MYH13: variants seen among roughly 807,000 people sequenced by gnomAD.
MYH13 encodes the protein myosin heavy chain 13.
In MYH13, 177 loss-of-function variants were observed where a neutral mutation model predicts 232.1. That is an observed-to-expected ratio of 0.76 (90% CI 0.67 to 0.86). MYH13 has a LOEUF of 0.86. Ranked by LOEUF, MYH13 falls within the 40% of genes least tolerant of loss-of-function variation. MYH13 has a pLI of 0.00. For missense variants in MYH13, 2,246 were observed against 2,405.9 expected, an observed-to-expected ratio of 0.93 and a Z score of 1.39; for synonymous variants, 884 against 923.5, an observed-to-expected ratio of 0.96 and a Z score of 0.78.
intron 24 of MYH13, 80 bp from the exon 25 acceptor site, chr17:10,320,576 G>T: frequency 6.7e-7 from 1 of 1,482,184 alleles, no homozygotes; most frequent in Non-Finnish European, 9.0e-7. Flanking sequence ...CCATACACGT[G>T]GCCTGGGGCT....
At chr17:10,311,790 T>C in intron 32 of MYH13, 121 bp downstream of exon 32, 1 of 1,155,078 alleles carries the variant, frequency 8.7e-7, no homozygotes, top group Admixed American at 2.1e-5. Context: ...TGAGGCATGA[T>C]GGGTGAGGAT....
chr17:10,306,998 C>T lies in MYH13; in HGVS notation c.5236G>A (p.Glu1746Lys), dbSNP rs369023941. 9.3e-6 allele frequency: 15 copies of T among 1,613,902 alleles called. No homozygotes were observed. The African/African-American group carries it at 9.3e-5, about 10-fold the overall frequency. ...TTCCTGGACTCCTGGATCGAGTTCT[C>T]CACCTCTGCCTGGCACTGAGCTATG... ...ADIAQCQAEV[E>K]NSIQESRNAE... Residue 1746 changes from glutamate (E) to lysine (K), a missense_variant, in exon 36 of 41, where the codon GAG (glutamate) becomes AAG (lysine). Transcript: ENST00000252172. The surrounding 1 kb of genome is among the most constrained non-coding windows in gnomAD (Gnocchi z 4.3).
rs772451244 is a variant in MYH13 at position 10,304,702 on chromosome 17, A to T, written c.5467-1204T>A. Among the ~76,000 whole-genome samples the T allele has an allele frequency of 2.6e-5, 4 of 152,242 alleles. No individual in the cohort carries two copies. The highest frequency in any genetic ancestry group is 5.9e-5 in the Non-Finnish European group (4 of 68,038). ...TTTCTGTATATTTAGGATGGAGATA[A>T]TATTTCCTGCCCAGCCTACCTCAAA... On this transcript the variant is annotated intron_variant, in intron 37 of 40. Coordinates refer to ENST00000252172, the MANE Select transcript of MYH13 (RefSeq NM_003802.3). This position sits in a 1 kb window ranked among gnomAD's most constrained non-coding sequence, Gnocchi z 5.3.
intron 12 of MYH13, among the ~76,000 whole-genome samples, chr17:10,349,970 G>T (rs2142263844): frequency 6.6e-6 from 1 of 152,292 alleles, no homozygotes; most frequent in South Asian, 2.1e-4. Flanking sequence ...AGGACGTATG[G>T]TGGGGAGTCA....
chr17:10,363,315 C>CAAAAAAAAAAA (rs11390504), intron 3 of MYH13, among the ~76,000 whole-genome samples: 4 of 91,768 alleles, frequency 4.4e-5, no homozygotes, highest in African/African-American at 1.9e-4. Context: ...GACTCCGTCT[C>CAAAAAAAAAAA]AAAAAAAAAA....
intron 11 of MYH13, among the ~76,000 whole-genome samples, chr17:10,352,736 G>A (rs934221518): frequency 3.3e-5 from 5 of 152,164 alleles, no homozygotes; most frequent in Non-Finnish European, 7.3e-5. Context: ...GTGGATGGGG[G>A]CCTTGTAGCA....
rs1211414796 is a variant in MYH13, at chr17:10,345,991, CAAAAAAA to C, written c.1264-382_1264-376del. ...CTGGTGACATAGCGAGACTCTGTCT[CAAAAAAA>C]AAAAAAAAAAAAAAACAAAAGAAAA... On this transcript the variant is annotated intron_variant, in intron 13 of 40. Coordinates refer to ENST00000252172, the MANE Select transcript of MYH13 (RefSeq NM_003802.3). Among the ~76,000 whole-genome samples, 5 of 83,054 alleles carry C rather than the reference CAAAAAAA, an allele frequency of 6.0e-5. No individual in the cohort carries two copies. The South Asian group carries it at 2.7e-3, about 44-fold the overall frequency. 54.5% of individuals were successfully genotyped at this position (83,054 alleles called of 152,430 possible).
intron 35 of MYH13, among the ~76,000 whole-genome samples, chr17:10,307,750 T>C (rs73283672): frequency 0.017 from 2,583 of 152,314 alleles, 66 homozygotes; most frequent in African/African-American, 0.057. Context: ...TGGGACAACC[T>C]TGTTAAAGAA....
At chr17:10,356,514 T>C (rs932315840) in intron 8 of MYH13, among the ~76,000 whole-genome samples, 1 of 152,178 alleles carries the variant, frequency 6.6e-6, no homozygotes, top group Non-Finnish European at 1.5e-5. Flanking sequence ...ATGGGTAACA[T>C]ACCTCTGCCA....
chr17:10,301,014 G>C, intron 40 of MYH13, 49 bp from the exon 41 acceptor site: 1 of 1,540,194 alleles, frequency 6.5e-7, no homozygotes, highest in Non-Finnish European at 9.0e-7. Flanking sequence ...CAACTAAATG[G>C]GAGACTGAAC....
intron 23 of MYH13, among the ~76,000 whole-genome samples, chr17:10,322,673 G>C (rs192935256): frequency 1.6e-5 from 2 of 123,848 alleles, no homozygotes; most frequent in Admixed American, 1.0e-4. Context: ...TCACTCTGTC[G>C]CCCAGGCTGG....
intron 22 of MYH13, 61 bp from the exon 23 acceptor site, chr17:10,324,325 G>T: frequency 6.3e-7 from 1 of 1,592,344 alleles, no homozygotes; most frequent in South Asian, 1.1e-5. Flanking sequence ...ACAAAGAAAG[G>T]GTATCACCCT....
chr17:10,362,008 C>G (rs2071797610), intron 5 of MYH13, 110 bp downstream of exon 5: 1 of 1,593,162 alleles, frequency 6.3e-7, no homozygotes, highest in Non-Finnish European at 8.6e-7. Context: ...TCATCTGACT[C>G]TCCGAAGATC....
At chr17:10,302,066 C>T (rs1906113688) in intron 39 of MYH13, among the ~76,000 whole-genome samples, 1 of 152,240 alleles carries the variant, frequency 6.6e-6, no homozygotes, top group Non-Finnish European at 1.5e-5. Context: ...TCCTGTGCCT[C>T]TGCCCAGCAC....
intron 7 of MYH13, among the ~76,000 whole-genome samples, chr17:10,359,570 G>A (rs1471121180): frequency 6.6e-6 from 1 of 152,148 alleles, no homozygotes; most frequent in African/African-American, 2.4e-5. Flanking sequence ...CCTGAGACGG[G>A]GGTCGTGAGC....
At position 10,327,315 on chromosome 17, in the gene MYH13, A is replaced by T. The variant is rs192460030; in HGVS notation, c.2691+551T>A. On this transcript the variant is annotated intron_variant, in intron 22 of 40. Transcript: ENST00000252172. ...CGCGCCCGGCCGCCTGCTAGTTTTT[A>T]AAAATTTTTTTACAGAGATGGGGTT... Among the ~76,000 whole-genome samples, 1,093 of 147,958 alleles carry T rather than the reference A, an allele frequency of 7.4e-3. 18 individuals carry two copies. The highest frequency in any genetic ancestry group is 0.026 in the African/African-American group (1,040 of 40,034).
chr17:10,366,871 A>C (rs936091097), intron 2 of MYH13, among the ~76,000 whole-genome samples: 1 of 152,166 alleles, frequency 6.6e-6, no homozygotes, highest in African/African-American at 2.4e-5. Flanking sequence ...AAAAGCATCC[A>C]CTTCCCATGG....
intron 12 of MYH13, among the ~76,000 whole-genome samples, chr17:10,348,198 G>A (rs1597386328): frequency 6.6e-6 from 1 of 152,132 alleles, no homozygotes; most frequent in African/African-American, 2.4e-5. Flanking sequence ...TCTTCTTCTT[G>A]TCATTTAAAC....
In MYH13 at chr17:10,362,492, C is replaced by G. The variant is rs781013594; in HGVS notation, c.216G>C (p.Leu72=). Residue 72 remains leucine, a synonymous_variant, in exon 4 of 41, where the codon CTG becomes CTC. Transcript: ENST00000252172. ...TCATGGGGAAGACCTGGTCATTGTT[C>G]AGAGTGAGCATCTGGGTATTGAGAG... The part of the protein sequence containing the change: ...VKTLDDRMLT[L]NNDQVFPMNP... 4 of 1,614,100 alleles carry G rather than the reference C, an allele frequency of 2.5e-6. No homozygotes were observed. The South Asian group carries it at 4.4e-5, about 18-fold the overall frequency.
Sources: gnomAD v4.1 joint callset for allele counts (sites outside exome capture counted in the v4.1 genomes callset) on GRCh38, gnomAD v4.1.1 for gene constraint, Gnocchi (gnomAD v3.1) non-coding constraint, MANE v1.5 for transcripts, NCBI Gene and HGNC (gene_info 2026-07-23, HGNC 2026-07-21) for gene names.